Variants in RRBP1 observed in about 807,000 individuals in gnomAD.
The protein encoded by RRBP1 is ribosome binding protein 1, also known as ribosome-binding protein 1.
In RRBP1, 94 loss-of-function variants were observed where a neutral mutation model predicts 165.2. That is an observed-to-expected ratio of 0.57 (90% CI 0.48 to 0.68). RRBP1 has a LOEUF of 0.68. RRBP1 is among the 30% of genes least tolerant of loss of function. The probability of loss-of-function intolerance (pLI) is 0.00; values close to 1 mark genes in which losing one functional copy is unlikely to be tolerated. For synonymous variants in RRBP1, 680 were observed against 714.5 expected, an observed-to-expected ratio of 0.95 and a Z score of 0.77; for missense variants, 1,676 against 1,763.0, an observed-to-expected ratio of 0.95 and a Z score of 0.88.
chr20:17,624,240 G>C (rs2035969087), intron 13 of RRBP1, among the ~76,000 whole-genome samples: 1 of 152,182 alleles, frequency 6.6e-6, no homozygotes, highest in Non-Finnish European at 1.5e-5. Flanking sequence ...GGTCTGGCGT[G>C]GACTCAGGAG....
rs73262606 is a variant in RRBP1, at chr20:17,622,596, G to A, written c.3148-649C>T. Among the ~76,000 whole-genome samples, 342 of 152,066 alleles carry A rather than the reference G, an allele frequency of 2.2e-3. 2 individuals are homozygous for A. The highest frequency in any genetic ancestry group is 7.4e-3 in the African/African-American group (305 of 41,454). On this transcript the variant is annotated intron_variant, in intron 13 of 24. Transcript: ENST00000377813. ...TTTGCACCCTGTGCCATGCTGGGTC[G>A]GACACCCCCTCAGTCCTCAACGAAG...
At position 17,629,753 on chromosome 20, in the gene RRBP1, G is replaced by A. The variant is rs547816226; in HGVS notation, c.2749+70C>T. On this transcript the variant is annotated intron_variant, in intron 9 of 24. Coordinates refer to ENST00000377813, the MANE Select transcript of RRBP1 (RefSeq NM_001365613.2). ...AACCCACTGAGTTCTGGCACTGGCA[G>A]TGGGGCTGGGCCGGCATGCAGACCC... 867 of 1,499,462 alleles carry A rather than the reference G, an allele frequency of 5.8e-4. 3 individuals carry two copies. The highest frequency in any genetic ancestry group is 5.4e-4 in the Non-Finnish European group (601 of 1,109,498). 92.9% of individuals were successfully genotyped at this position (1,499,462 alleles called of 1,614,324 possible). A position where few individuals can be genotyped will look rare whatever the true frequency, so the allele number is the denominator to read the frequency against.
intron 5 of RRBP1, among the ~76,000 whole-genome samples, chr20:17,637,623 C>T (rs2036271968): frequency 6.6e-6 from 1 of 152,210 alleles, no homozygotes; most frequent in Admixed American, 6.5e-5. Context: ...CCTCCCCAGA[C>T]CAGGACTATA....
chr20:17,662,442 A>G (rs2036783519), intron 2 of RRBP1, among the ~76,000 whole-genome samples: 1 of 152,144 alleles, frequency 6.6e-6, no homozygotes, highest in Admixed American at 6.5e-5. Flanking sequence ...CTTCTCCCAC[A>G]CTGTCACTCG....
chr20:17,660,156 C>T lies in RRBP1; in HGVS notation c.352G>A (p.Val118Ile), dbSNP rs34755632. The T allele has an allele frequency of 6.4e-4, 1,034 of 1,614,082 alleles. 2 individuals are homozygous for T. In the African/African-American group the frequency reaches 0.012, roughly 18 times the overall value. The part of the protein sequence containing the change: ...APTPVQPPII[V>I]APVATVPAMP... ...GCTGGAACTGTGGCGACAGGAGCAA[C>T]GATAATGGGGGGCTGCACTGGGGTT... is the stretch of plus-strand genomic sequence containing the variant. The change falls in exon 3 of 25, where the codon GTT becomes ATT. Residue 118 changes from valine to isoleucine, a missense_variant. By Grantham distance (29) the Val-to-Ile change is conservative. Coordinates refer to ENST00000377813, the MANE Select transcript of RRBP1 (RefSeq NM_001365613.2).
In RRBP1 at chr20:17,651,323, A is replaced by G. The variant is rs56695049; in HGVS notation, c.1912+7273T>C. On this transcript the variant is annotated intron_variant, in intron 3 of 24. Coordinates refer to ENST00000377813, the MANE Select transcript of RRBP1 (RefSeq NM_001365613.2). ...AATTGTGAAACGTTTCTGGAAAGCAATGCAGCACTGTCTTCCTAAATTAAA... is the reference window on the plus strand; with the variant it reads ...AATTGTGAAACGTTTCTGGAAAGCAGTGCAGCACTGTCTTCCTAAATTAAA... Among the ~76,000 whole-genome samples the G allele has an allele frequency of 2.3e-3, 354 of 152,320 alleles. 1 individual carries two copies. The highest frequency in any genetic ancestry group is 8.2e-3 in the African/African-American group (341 of 41,576).
intron 20 of RRBP1, among the ~76,000 whole-genome samples, chr20:17,617,674 C>T (rs1182692332): frequency 6.6e-6 from 1 of 152,238 alleles, no homozygotes; most frequent in African/African-American, 2.4e-5. Context: ...CAGGAGGAGA[C>T]CTGGCCTAGG....
chr20:17,640,613 C>T (rs972388333), intron 5 of RRBP1, among the ~76,000 whole-genome samples: 1 of 152,170 alleles, frequency 6.6e-6, no homozygotes, highest in Non-Finnish European at 1.5e-5. Context: ...ACCTTCTCCT[C>T]ACCTAAGAGG....
chr20:17,668,732 T>C (rs2036916863), intron 2 of RRBP1, among the ~76,000 whole-genome samples: 1 of 152,164 alleles, frequency 6.6e-6, no homozygotes, highest in Non-Finnish European at 1.5e-5. Context: ...CAGTTCCCAT[T>C]CCCAGTCTCA....
rs1273023106 is a variant in RRBP1, at chr20:17,636,610, C to T, written c.2304G>A (p.Glu768=). 6.2e-7 allele frequency: 1 copy of T among 1,612,400 alleles called. No homozygotes were observed. The highest frequency in any genetic ancestry group is 1.3e-5 in the African/African-American group (1 of 74,950). ...GCAGCTGCTGCACCTCCTTCACGTG[C>T]TCCCGGTAGCTGGCCTGCATGCGTG... The part of the protein sequence containing the change: ...VQARMQASYR[E]HVKEVQQLQG... Residue 768 remains glutamate (E), a synonymous_variant, in exon 6 of 25, where the codon GAG becomes GAA. Coordinates refer to ENST00000377813, the MANE Select transcript of RRBP1 (RefSeq NM_001365613.2).
intron 2 of RRBP1, among the ~76,000 whole-genome samples, chr20:17,671,467 T>A (rs1367546032): frequency 6.6e-6 from 1 of 152,186 alleles, no homozygotes; most frequent in Admixed American, 6.5e-5. Flanking sequence ...AGGTCCACTC[T>A]CAAATAAAGA....
At chr20:17,614,693 G>C (rs369636538) in intron 24 of RRBP1, 44 bp downstream of exon 24, 10 of 1,602,524 alleles carry the variant, frequency 6.2e-6, no homozygotes, top group Non-Finnish European at 8.5e-6. Context: ...CGGGGCTCCC[G>C]GCAGCTCGAC....
chr20:17,658,538 C>T, intron 3 of RRBP1, 58 bp downstream of exon 3: 1 of 1,433,274 alleles, frequency 7.0e-7, no homozygotes. Flanking sequence ...CGAGAGAATC[C>T]ATAAGTCATT....
intron 6 of RRBP1, among the ~76,000 whole-genome samples, chr20:17,635,956 T>C (rs1568766062): frequency 6.6e-6 from 1 of 152,194 alleles, no homozygotes; most frequent in South Asian, 2.1e-4. Context: ...CATGAACATC[T>C]GCCTCCAAGG....
chr20:17,680,059 G>A lies in RRBP1; in HGVS notation c.-82C>T, dbSNP rs1175705501. On this transcript the variant is annotated 5_prime_UTR_variant, in exon 2 of 25. Transcript: ENST00000377813. ...GGGAAATGGCACCTCCAGGACCTCA[G>A]AACCGGAAGCTTCTTTCTGGAAGGG... 2.6e-5 allele frequency: 4 copies of A among 152,296 alleles called. No individual in the cohort carries two copies. The highest frequency in any genetic ancestry group is 4.4e-5 in the Non-Finnish European group (3 of 68,090). 9.4% of individuals were successfully genotyped at this position (152,296 alleles called of 1,614,324 possible).
rs564640693 is a variant in RRBP1 at position 17,635,677 on chromosome 20, G to A, written c.2338-13C>T. The A allele has an allele frequency of 4.1e-5, 66 of 1,603,548 alleles. No individual in the cohort carries two copies. Among genetic ancestry groups the A allele is most frequent in the South Asian group, 3.3e-4 (30 of 90,844 alleles). ...GAAGAGTCCGGATCTGGAAAGTCACGGGCAAGGGCATCAGAGGCAGCTCGG... is the reference window on the plus strand; with the variant it reads ...GAAGAGTCCGGATCTGGAAAGTCACAGGCAAGGGCATCAGAGGCAGCTCGG... On this transcript the variant is annotated splice_polypyrimidine_tract_variant and intron_variant, in intron 6 of 24. Coordinates refer to ENST00000377813, the MANE Select transcript of RRBP1 (RefSeq NM_001365613.2).
chr20:17,650,196 G>A (rs908343770), intron 3 of RRBP1, among the ~76,000 whole-genome samples: 2 of 151,976 alleles, frequency 1.3e-5, no homozygotes, highest in African/African-American at 4.8e-5. Context: ...ACTGGAAAAT[G>A]CAGAAGGGTG....
intron 9 of RRBP1, among the ~76,000 whole-genome samples, chr20:17,628,385 T>C (rs1457518157): frequency 6.6e-6 from 1 of 152,174 alleles, no homozygotes; most frequent in Admixed American, 6.5e-5. Flanking sequence ...CCGCCATCTG[T>C]CAAGTTGCCC....
At chr20:17,636,900 GA>G (rs1476034630) in intron 5 of RRBP1, among the ~76,000 whole-genome samples, 171 bp from the exon 6 acceptor site, 49 of 152,334 alleles carry the variant, frequency 3.2e-4, no homozygotes, top group Non-Finnish European at 5.3e-4. Flanking sequence ...AACGACGACA[GA>G]CAACAAGGGA....
Sources: gnomAD v4.1 joint callset for allele counts (sites outside exome capture counted in the v4.1 genomes callset) on GRCh38, gnomAD v4.1.1 for gene constraint, MANE v1.5 for transcripts, NCBI Gene and HGNC (gene_info 2026-07-23, HGNC 2026-07-21) for gene names.